The following CLDN12 variants were observed in gnomAD, a reference collection of about 807,000 sequenced individuals.
CLDN12 encodes claudin 12, also known as claudin-12.
CLDN12 carries 9 observed loss-of-function variants against 15.5 expected under a neutral mutation model. The ratio of observed to expected loss-of-function variants is 0.58; its 90% confidence interval spans 0.35 to 1.02. The LOEUF is 1.02. CLDN12 is among the 50% of genes least tolerant of loss of function. The pLI is 0.02. For synonymous variants in CLDN12, 140 were observed against 121.6 expected (o/e 1.15, Z -1.00); for missense variants, 233 against 297.3 (o/e 0.78, Z 1.59).
At chr7:90,410,169 C>T (rs1584666464) in intron 2 of CLDN12, among the ~76,000 whole-genome samples, 2 of 150,868 alleles carry the variant, frequency 1.3e-5, no homozygotes, top group South Asian at 4.2e-4. Flanking sequence ...TTTCTAGTAG[C>T]TTTTTCCAGT....
rs1797019216 is a variant in CLDN12 at position 90,413,718 on chromosome 7, A to C, written c.*307A>C. On this transcript the variant is annotated 3_prime_UTR_variant, in exon 4 of 4. Transcript: ENST00000496677. ...GTAATGTAGAGCAACATGTTAAAGAATGATGGTTAGCAGAAGCTGTTGTAT... is the reference window on the plus strand; with the variant it reads ...GTAATGTAGAGCAACATGTTAAAGACTGATGGTTAGCAGAAGCTGTTGTAT... 1.8e-6 allele frequency: 2 copies of C among 1,092,468 alleles called. No homozygotes were observed. Among genetic ancestry groups the C allele is most frequent in the Admixed American group, 9.7e-5 (2 of 20,706 alleles). The allele number at this position is 1,092,468 out of a possible 1,614,324, so 67.7% of individuals were successfully genotyped here. A position where few individuals can be genotyped will look rare whatever the true frequency, so the allele number is the denominator to read the frequency against.
chr7:90,403,605 T>A (rs145914183), intron 1 of CLDN12, 56 bp downstream of exon 1: 1 of 152,252 alleles, frequency 6.6e-6, no homozygotes, highest in Admixed American at 6.5e-5. Flanking sequence ...TAACTGAGGA[T>A]TTTATGTAAA....
rs538130075 is a variant in CLDN12, at chr7:90,411,222, T to G, written c.-76-785T>G. Among the ~76,000 whole-genome samples the G allele has an allele frequency of 2.0e-5, 3 of 152,302 alleles. No individual in the cohort carries two copies. In the East Asian group the frequency reaches 5.8e-4, roughly 29 times the overall value. On this transcript the variant is annotated intron_variant, in intron 2 of 3. Transcript: ENST00000496677. The stretch of plus-strand genomic sequence containing the variant: ...AGCAGATGTTTGATTCTGCAAAGGT[T>G]GATGGAACTGTATTCAGAAATAAAA...
At position 90,405,517 on chromosome 7, in the gene CLDN12, A is replaced by G. The variant is rs553754996; in HGVS notation, c.-166-2A>G. Reference sequence around the variant, plus strand: ...TTTGGAGTATTTTTCCTATTTCTTTAGGCTCAGATTATTGCTACTCTGTAT... The same window carrying G: ...TTTGGAGTATTTTTCCTATTTCTTTGGGCTCAGATTATTGCTACTCTGTAT... On this transcript the variant is annotated splice_acceptor_variant, in intron 1 of 3. Coordinates refer to ENST00000496677, the MANE Select transcript of CLDN12 (RefSeq NM_001185072.3). LOFTEE classifies it low-confidence loss of function (5UTR_SPLICE). 1 of 152,168 alleles carries G rather than the reference A, an allele frequency of 6.6e-6. No individual in the cohort carries two copies. Among genetic ancestry groups the G allele is most frequent in the Non-Finnish European group, 1.5e-5 (1 of 68,028 alleles). 9.4% of individuals were successfully genotyped at this position (152,168 alleles called of 1,614,324 possible). A position where few individuals can be genotyped will look rare whatever the true frequency, so the allele number is the denominator to read the frequency against.
rs901949934 is a variant in CLDN12, at chr7:90,415,130, A to G, written c.*1719A>G. On this transcript the variant is annotated 3_prime_UTR_variant, in exon 4 of 4. Transcript: ENST00000496677. ...CCCTAATTCCAACACTAGTTTATAT[A>G]TATAGCGAATAAATCTAGTTGTATA... is the stretch of plus-strand genomic sequence containing the variant. 1.2e-5 allele frequency: 2 copies of G among 166,010 alleles called. No homozygotes were observed. The highest frequency in any genetic ancestry group is 1.3e-4 in the Admixed American group (2 of 15,280). The allele number at this position is 166,010 out of a possible 1,614,324, so 10.3% of individuals were successfully genotyped here.
At chr7:90,406,741 A>G in intron 2 of CLDN12, among the ~76,000 whole-genome samples, 1 of 152,190 alleles carries the variant, frequency 6.6e-6, no homozygotes, top group African/African-American at 2.4e-5. Flanking sequence ...CTCCTGGACA[A>G]CAATACCAAG....
Position 90,405,598 on chromosome 7 carries a change from T to G in CLDN12, c.-87T>G, listed in dbSNP as rs781426929. The stretch of plus-strand genomic sequence containing the variant: ...ATAAAGCTGTTTTGGAACTGTCAGG[T>G]ACCTCAAAGCGTAAGTACGTCCTTT... On this transcript the variant is annotated 5_prime_UTR_variant, in exon 2 of 4. Coordinates refer to ENST00000496677, the MANE Select transcript of CLDN12 (RefSeq NM_001185072.3). The G allele has an allele frequency of 6.6e-6, 1 of 152,208 alleles. No individual in the cohort carries two copies. The highest frequency in any genetic ancestry group is 1.5e-5 in the Non-Finnish European group (1 of 68,046). 9.4% of individuals were successfully genotyped at this position (152,208 alleles called of 1,614,324 possible).
At chr7:90,410,118 T>C (rs911454043) in intron 2 of CLDN12, among the ~76,000 whole-genome samples, 37 of 151,964 alleles carry the variant, frequency 2.4e-4, no homozygotes, top group African/African-American at 8.0e-4. Context: ...GACAGATGAA[T>C]AAGCAAAGAC....
chr7:90,409,091 C>T (rs530042660), intron 2 of CLDN12: 1 of 152,130 alleles, frequency 6.6e-6, no homozygotes, highest in African/African-American at 2.4e-5. Flanking sequence ...AGTTATACAT[C>T]CTGATCTTGT....
rs1796936912 is a variant in CLDN12 at position 90,410,513 on chromosome 7, G to A, written c.-76-1494G>A. On this transcript the variant is annotated intron_variant, in intron 2 of 3. Transcript: ENST00000496677. The stretch of plus-strand genomic sequence containing the variant: ...ATTTGAATATATGTATGTACACATA[G>A]GCATTTTTTTGGTTAGTAAAATTAT... 2.0e-5 allele frequency among the ~76,000 whole-genome samples: 3 copies of A among 152,100 alleles called. No homozygotes were observed. In the South Asian group the frequency reaches 6.2e-4, roughly 31 times the overall value.
At position 90,412,629 on chromosome 7, in the gene CLDN12, T is replaced by A. The variant is rs1471325251; in HGVS notation, c.-33-15T>A. ...TGTCCCCTCATGATTTGTCCTCTTG[T>A]GTGTCACCCCCTAGTCTGACTGACA... On this transcript the variant is annotated splice_polypyrimidine_tract_variant and intron_variant, in intron 3 of 3. Coordinates refer to ENST00000496677, the MANE Select transcript of CLDN12 (RefSeq NM_001185072.3). 1 of 1,573,690 alleles carries A rather than the reference T, an allele frequency of 6.4e-7. No homozygotes were observed. Among genetic ancestry groups the A allele is most frequent in the Non-Finnish European group, 8.6e-7 (1 of 1,160,488 alleles).
At position 90,413,609 on chromosome 7, in the gene CLDN12, G is replaced by C. The variant is rs1797016909; in HGVS notation, c.*198G>C. 1.5e-6 allele frequency: 2 copies of C among 1,340,910 alleles called. No individual in the cohort carries two copies. The highest frequency in any genetic ancestry group is 1.9e-6 in the Non-Finnish European group (2 of 1,043,466). The allele number at this position is 1,340,910 out of a possible 1,614,324, so 83.1% of individuals were successfully genotyped here. ...ATTAAATGTGAATTTTTTAAATTTT[G>C]CTTCTTATACTGGAAGGAATTTTAG... is the stretch of plus-strand genomic sequence containing the variant. On this transcript the variant is annotated 3_prime_UTR_variant, in exon 4 of 4. Transcript: ENST00000496677.
chr7:90,407,516 A>G (rs1562967985), intron 2 of CLDN12, among the ~76,000 whole-genome samples: 1 of 152,194 alleles, frequency 6.6e-6, no homozygotes. Flanking sequence ...CAGAACCTCC[A>G]TTTGTTTGTT....
rs548091279 is a variant in CLDN12 at position 90,408,624 on chromosome 7, C to T, written c.-77+3016C>T. ...GCCAAAAGAAGCTAGACATTAATTC[C>T]AGTATCAGGCCAAAATTTAGCTTAA... On this transcript the variant is annotated intron_variant, in intron 2 of 3. Transcript: ENST00000496677. Among the ~76,000 whole-genome samples, 3 of 152,242 alleles carry T rather than the reference C, an allele frequency of 2.0e-5. No individual in the cohort carries two copies. In the South Asian group the frequency reaches 6.2e-4, roughly 32 times the overall value.
chr7:90,414,178 C>G lies in CLDN12; in HGVS notation c.*767C>G. 1.0e-6 allele frequency: 1 copy of G among 1,000,134 alleles called. No individual in the cohort carries two copies. Among genetic ancestry groups the G allele is most frequent in the Non-Finnish European group, 1.2e-6 (1 of 829,980 alleles). The allele number at this position is 1,000,134 out of a possible 1,614,324, so 62.0% of individuals were successfully genotyped here. On this transcript the variant is annotated 3_prime_UTR_variant, in exon 4 of 4. Transcript: ENST00000496677. ...TGGAGATATCTTCCATCAAGCAGTACTCGTGCCCATATACAATCTCTTAGT... is the reference window on the plus strand; with the variant it reads ...TGGAGATATCTTCCATCAAGCAGTAGTCGTGCCCATATACAATCTCTTAGT...
chr7:90,405,309 C>T (rs904424611), intron 1 of CLDN12, among the ~76,000 whole-genome samples: 2 of 152,176 alleles, frequency 1.3e-5, no homozygotes, highest in African/African-American at 4.8e-5. Context: ...GATCATCCCG[C>T]CTCAGCTTCC....
At chr7:90,411,408 C>T (rs1796959660) in intron 2 of CLDN12, among the ~76,000 whole-genome samples, 1 of 152,118 alleles carries the variant, frequency 6.6e-6, no homozygotes. Flanking sequence ...GAAATTAAAG[C>T]TGAATAAGAT....
In CLDN12 at chr7:90,414,376, C is replaced by G. The variant is rs1471546613; in HGVS notation, c.*965C>G. ...CTTTACCATAACCTTGATTCATTCA[C>G]CCTTGATTCATTTCTCGCCCCCGTC... On this transcript the variant is annotated 3_prime_UTR_variant, in exon 4 of 4. Transcript: ENST00000496677. 1.0e-6 allele frequency: 1 copy of G among 1,000,090 alleles called. No homozygotes were observed. The highest frequency in any genetic ancestry group is 1.7e-5 in the African/African-American group (1 of 57,194). 62.0% of individuals were successfully genotyped at this position (1,000,090 alleles called of 1,614,324 possible).
Position 90,414,519 on chromosome 7 carries a change from A to G in CLDN12, c.*1108A>G. On this transcript the variant is annotated 3_prime_UTR_variant, in exon 4 of 4. Coordinates refer to ENST00000496677, the MANE Select transcript of CLDN12 (RefSeq NM_001185072.3). Reference sequence around the variant, plus strand: ...TAAGACATTTTAATAGAGAAGATCAAAATGTTACCTGGCAGTTGGGGAATA... The same window carrying G: ...TAAGACATTTTAATAGAGAAGATCAGAATGTTACCTGGCAGTTGGGGAATA... 1 of 486,082 alleles carries G rather than the reference A, an allele frequency of 2.1e-6. No homozygotes were observed. The highest frequency in any genetic ancestry group is 2.1e-5 in the African/African-American group (1 of 47,276). The allele number at this position is 486,082 out of a possible 1,614,324, so 30.1% of individuals were successfully genotyped here. A position where few individuals can be genotyped will look rare whatever the true frequency, so the allele number is the denominator to read the frequency against.
Sources: gnomAD v4.1 joint callset for allele counts (sites outside exome capture counted in the v4.1 genomes callset) on GRCh38, gnomAD v4.1.1 for gene constraint, MANE v1.5 for transcripts, NCBI Gene and HGNC (gene_info 2026-07-23, HGNC 2026-07-21) for gene names.